The following NUBPL variants were observed in gnomAD, a reference collection of about 807,000 sequenced individuals.
NUBPL encodes NUBP iron-sulfur cluster assembly factor, mitochondrial.
Under a neutral mutation model 45.7 loss-of-function variants are expected in NUBPL, and 31 were observed. The ratio of observed to expected loss-of-function variants is 0.68; its 90% CI spans 0.51 to 0.92. The LOEUF is 0.92. Among genes scored for constraint, NUBPL ranks in the 40% least tolerant of loss-of-function variants. The probability of loss-of-function intolerance (pLI) is 0.00; values close to 1 mark genes in which losing one functional copy is unlikely to be tolerated. For synonymous variants in NUBPL, 144 were observed against 140.9 expected, an observed-to-expected ratio of 1.02 and a Z score of -0.15; for missense variants, 401 against 398.7, an observed-to-expected ratio of 1.01 and a Z score of -0.05.
chr14:31,574,582 CTTTTT>C (rs71115022), intron 3 of NUBPL, among the ~76,000 whole-genome samples: 1 of 66,904 alleles, frequency 1.5e-5, no homozygotes, highest in Non-Finnish European at 2.7e-5. Flanking sequence ...TTCTTTCCTT[CTTTTT>C]TTTTTTTTTT....
Position 31,719,368 on chromosome 14 carries a change from C to T in NUBPL, c.513+45794C>T, listed in dbSNP as rs373860418. The stretch of plus-strand genomic sequence containing the variant: ...GTGGGACAATCTGTATAGGTTTATA[C>T]TGAACTCTCACTTATAATTGCAAGT... On this transcript the variant is annotated intron_variant, in intron 6 of 10. Coordinates refer to ENST00000281081, the MANE Select transcript of NUBPL (RefSeq NM_025152.3). Among the ~76,000 whole-genome samples, 17 of 152,150 alleles carry T rather than the reference C, an allele frequency of 1.1e-4. No homozygotes were observed. In the East Asian group the frequency reaches 2.5e-3, roughly 22 times the overall value.
At chr14:31,689,606 G>T (rs1052636555) in intron 6 of NUBPL, among the ~76,000 whole-genome samples, 1 of 152,080 alleles carries the variant, frequency 6.6e-6, no homozygotes, top group African/African-American at 2.4e-5. Flanking sequence ...CTCTCATTCT[G>T]TAGGTTGTCT....
chr14:31,656,782 A>G (rs1015615077), intron 4 of NUBPL, among the ~76,000 whole-genome samples: 7 of 152,246 alleles, frequency 4.6e-5, no homozygotes, highest in Non-Finnish European at 8.8e-5. Flanking sequence ...AAAATGTGAC[A>G]TATAGAAATG....
Position 31,598,480 on chromosome 14 carries a change from A to T in NUBPL, c.292-809A>T, listed in dbSNP as rs138789045. Among the ~76,000 whole-genome samples the T allele has an allele frequency of 2.1e-3, 320 of 152,296 alleles. 1 individual carries two copies. The highest frequency in any genetic ancestry group is 0.014 in the Middle Eastern group (4 of 294). The stretch of plus-strand genomic sequence containing the variant: ...TGTAGATGAGCAAAACCAGTAACAG[A>T]TTGATTTCATCTATCAAAGGAGAAA... On this transcript the variant is annotated intron_variant, in intron 3 of 10. Coordinates refer to ENST00000281081, the MANE Select transcript of NUBPL (RefSeq NM_025152.3).
chr14:31,661,069 A>G (rs1355950172), intron 4 of NUBPL, among the ~76,000 whole-genome samples: 1 of 152,238 alleles, frequency 6.6e-6, no homozygotes, highest in Admixed American at 6.5e-5. Flanking sequence ...AGCAGTCCCT[A>G]GATTTGTTTG....
intron 3 of NUBPL, among the ~76,000 whole-genome samples, chr14:31,598,231 C>T (rs891707709): frequency 6.6e-6 from 1 of 152,036 alleles, no homozygotes; most frequent in Non-Finnish European, 1.5e-5. Flanking sequence ...GTTAGATTTA[C>T]CTTATTTTGT....
chr14:31,846,426 T>C (rs2040453730), intron 8 of NUBPL, 45 bp from the exon 9 acceptor site: 1 of 1,513,320 alleles, frequency 6.6e-7, no homozygotes. Flanking sequence ...AATGTATTAA[T>C]ATTTGGTTTA....
intron 7 of NUBPL, among the ~76,000 whole-genome samples, chr14:31,805,808 A>AG (rs2039673666): frequency 6.9e-6 from 1 of 145,926 alleles, no homozygotes; most frequent in Non-Finnish European, 1.5e-5. Context: ...ATTGGGTATT[A>AG]GGCTTAATAC....
chr14:31,583,322 C>T (rs1227984268), intron 3 of NUBPL, among the ~76,000 whole-genome samples: 2 of 152,174 alleles, frequency 1.3e-5, no homozygotes, highest in African/African-American at 4.8e-5. Flanking sequence ...TAGCCCATTA[C>T]ATCACACAGC....
At chr14:31,628,442 C>A (rs1301371241) in intron 4 of NUBPL, among the ~76,000 whole-genome samples, 1 of 152,188 alleles carries the variant, frequency 6.6e-6, no homozygotes, top group Non-Finnish European at 1.5e-5. Flanking sequence ...CTGATCTCAT[C>A]AGACAATTCT....
chr14:31,774,712 T>C (rs2039068590), intron 6 of NUBPL, among the ~76,000 whole-genome samples: 1 of 152,214 alleles, frequency 6.6e-6, no homozygotes, highest in African/African-American at 2.4e-5. Flanking sequence ...TTATTTTGAG[T>C]GTAAAATGTA....
intron 4 of NUBPL, among the ~76,000 whole-genome samples, chr14:31,600,079 G>A (rs1277146336): frequency 9.2e-5 from 14 of 151,528 alleles, no homozygotes; most frequent in Admixed American, 8.5e-4. Context: ...ACGCCACCAC[G>A]CCCAGCTAAT....
intron 4 of NUBPL, among the ~76,000 whole-genome samples, chr14:31,603,177 G>A (rs1487527064): frequency 1.3e-5 from 2 of 151,712 alleles, no homozygotes; most frequent in African/African-American, 4.8e-5. Context: ...GCTCACACCT[G>A]TAGTCCCTGA....
At chr14:31,568,254 G>A (rs187006478) in intron 3 of NUBPL, among the ~76,000 whole-genome samples, 8 of 152,176 alleles carry the variant, frequency 5.3e-5, no homozygotes, top group Admixed American at 5.2e-4. Flanking sequence ...TATCATTGCA[G>A]CCAAAGCTTT....
chr14:31,678,523 G>A lies in NUBPL; in HGVS notation c.513+4949G>A, dbSNP rs1341775849. On this transcript the variant is annotated intron_variant, in intron 6 of 10. Transcript: ENST00000281081. ...ATTCAGCAGGTGTTGGTCCTGCCAT[G>A]ACTGGATCCTTCTCTTCAAGGTATC... 2.6e-5 allele frequency among the ~76,000 whole-genome samples: 4 copies of A among 152,212 alleles called. No individual in the cohort carries two copies. In the East Asian group the frequency reaches 7.7e-4, roughly 29 times the overall value.
At chr14:31,746,018 G>A (rs543401192) in intron 6 of NUBPL, among the ~76,000 whole-genome samples, 2 of 152,080 alleles carry the variant, frequency 1.3e-5, no homozygotes, top group South Asian at 2.1e-4. Flanking sequence ...TAGAAAAGCT[G>A]CCCCTCACCC....
intron 9 of NUBPL, among the ~76,000 whole-genome samples, chr14:31,848,966 C>T (rs1321334657): frequency 6.6e-6 from 1 of 152,080 alleles, no homozygotes; most frequent in Admixed American, 6.6e-5. Flanking sequence ...GCTGCTTGCT[C>T]CTGTGACAGT....
intron 4 of NUBPL, among the ~76,000 whole-genome samples, chr14:31,609,873 G>A (rs1290662813): frequency 3.3e-5 from 5 of 152,068 alleles, no homozygotes; most frequent in Non-Finnish European, 5.9e-5. Flanking sequence ...TGAAAAAAAT[G>A]ATAATGGAGA....
chr14:31,580,735 C>A (rs1049395175), intron 3 of NUBPL, among the ~76,000 whole-genome samples: 1 of 152,102 alleles, frequency 6.6e-6, no homozygotes, highest in African/African-American at 2.4e-5. Context: ...GTAATTGGGC[C>A]ACAGGAAGAG....
Sources: gnomAD v4.1 joint callset for allele counts (sites outside exome capture counted in the v4.1 genomes callset) on GRCh38, gnomAD v4.1.1 for gene constraint, MANE v1.5 for transcripts, NCBI Gene and HGNC (gene_info 2026-07-23, HGNC 2026-07-21) for gene names.